NEDD4L: variants seen among roughly 807,000 people sequenced by gnomAD.
The protein encoded by NEDD4L is E3 ubiquitin-protein ligase NEDD4-like.
In NEDD4L, 54 loss-of-function variants were observed where a neutral mutation model predicts 148.9. That is an observed-to-expected ratio of 0.36 (90% CI 0.29 to 0.45). The LOEUF (loss-of-function observed/expected upper bound fraction) is 0.45, where lower values mean the gene tolerates loss of function less well. NEDD4L is among the 20% of genes least tolerant of loss of function. The probability of loss-of-function intolerance (pLI) is 1.00; values close to 1 mark genes in which losing one functional copy is unlikely to be tolerated. For synonymous variants in NEDD4L, 433 were observed against 440.7 expected, an observed-to-expected ratio of 0.98 and a Z score of 0.22; for missense variants, 856 against 1,233.8, an observed-to-expected ratio of 0.69 and a Z score of 4.59.
intron 22 of NEDD4L, 68 bp from the exon 23 acceptor site, chr18:58,370,329 T>C: frequency 1.0e-6 from 1 of 952,560 alleles, no homozygotes; most frequent in Non-Finnish European, 1.7e-6. Context: ...GTTAATCTTT[T>C]CTTTCATGCT....
intron 5 of NEDD4L, among the ~76,000 whole-genome samples, chr18:58,268,871 G>C: frequency 6.6e-6 from 1 of 151,890 alleles, no homozygotes; most frequent in Non-Finnish European, 1.5e-5. Context: ...GGGGAGGAGG[G>C]GAGCGTTCTA....
chr18:58,318,174 T>A (rs774714108), intron 6 of NEDD4L, among the ~76,000 whole-genome samples: 1 of 152,198 alleles, frequency 6.6e-6, no homozygotes, highest in Non-Finnish European at 1.5e-5. Flanking sequence ...TTATGGATGC[T>A]GTGTTCTTGA....
At chr18:58,302,253 A>G (rs1289225953) in intron 5 of NEDD4L, among the ~76,000 whole-genome samples, 2 of 152,204 alleles carry the variant, frequency 1.3e-5, no homozygotes, top group African/African-American at 4.8e-5. Flanking sequence ...GGAAAAAAAG[A>G]AGTCATTTCT....
chr18:58,293,611 T>A (rs1174759350), intron 5 of NEDD4L, among the ~76,000 whole-genome samples: 1 of 152,250 alleles, frequency 6.6e-6, no homozygotes, highest in East Asian at 1.9e-4. Context: ...TATTTAAAGT[T>A]TTAATTAACA....
chr18:58,349,398 C>T (rs2043577114), intron 16 of NEDD4L, 139 bp from the exon 17 acceptor site: 1 of 660,858 alleles, frequency 1.5e-6, no homozygotes, highest in South Asian at 1.8e-5. Context: ...CTGTACAAAA[C>T]AGAGATGGGA....
intron 1 of NEDD4L, among the ~76,000 whole-genome samples, chr18:58,067,491 T>G (rs533274918): frequency 6.6e-6 from 1 of 152,192 alleles, no homozygotes; most frequent in East Asian, 1.9e-4. Context: ...GGGGCTGGGT[T>G]GGGGTGGAGA....
At chr18:58,044,838 C>A in intron 1 of NEDD4L, 130 bp downstream of exon 1, 1 of 1,148,460 alleles carries the variant, frequency 8.7e-7, no homozygotes, top group South Asian at 1.9e-5. Context: ...AAAGCGGGAG[C>A]GCCCCGGAGC....
chr18:58,252,192 T>C, intron 5 of NEDD4L, 138 bp downstream of exon 5: 1 of 676,508 alleles, frequency 1.5e-6, no homozygotes. Context: ...TTTGTCCCAC[T>C]ACGAGTTTGA....
intron 2 of NEDD4L, chr18:58,227,742 G>C (rs1225593499): frequency 4.3e-6 from 1 of 230,926 alleles, no homozygotes; most frequent in Non-Finnish European, 7.1e-6. Flanking sequence ...CTGCAGTTAC[G>C]TGTTCTGCTG....
chr18:58,138,846 C>A (rs971062958), intron 1 of NEDD4L, among the ~76,000 whole-genome samples: 1 of 152,226 alleles, frequency 6.6e-6, no homozygotes, highest in Admixed American at 6.5e-5. Flanking sequence ...GCTCCACCTT[C>A]CAATACCGCC....
chr18:58,046,622 T>G (rs2081597733), intron 1 of NEDD4L: 1 of 152,114 alleles, frequency 6.6e-6, no homozygotes, highest in South Asian at 2.1e-4. Flanking sequence ...TCTTGCCACT[T>G]TTGTCCACAG....
intron 1 of NEDD4L, among the ~76,000 whole-genome samples, chr18:58,164,253 C>T (rs973571327): frequency 1.2e-4 from 18 of 152,106 alleles, no homozygotes; most frequent in African/African-American, 4.3e-4. Flanking sequence ...AAGCCTTTTG[C>T]TGCCATTAGT....
chr18:58,339,048 A>T (rs575555699), intron 13 of NEDD4L, among the ~76,000 whole-genome samples: 1 of 151,994 alleles, frequency 6.6e-6, no homozygotes, highest in South Asian at 2.1e-4. Flanking sequence ...CCAGAGATTG[A>T]GTAACTGCAA....
intron 1 of NEDD4L, among the ~76,000 whole-genome samples, chr18:58,083,524 A>G (rs2083576992): frequency 6.6e-6 from 1 of 152,096 alleles, no homozygotes; most frequent in Non-Finnish European, 1.5e-5. Flanking sequence ...TGTCTCTACT[A>G]AAAATACAAA....
chr18:58,297,626 G>A (rs529727), intron 5 of NEDD4L, among the ~76,000 whole-genome samples: 1 of 152,048 alleles, frequency 6.6e-6, no homozygotes, highest in Non-Finnish European at 1.5e-5. Context: ...AGATTTATTA[G>A]GTCCTGACCC....
At chr18:58,323,868 T>G (rs959950776) in intron 8 of NEDD4L, among the ~76,000 whole-genome samples, 7 of 152,218 alleles carry the variant, frequency 4.6e-5, no homozygotes, top group Admixed American at 2.6e-4. Context: ...TGTCACAGAC[T>G]GATGCTGTGG....
chr18:58,056,337 C>T (rs73959452), intron 1 of NEDD4L, among the ~76,000 whole-genome samples: 5,673 of 152,238 alleles, frequency 0.037, 251 homozygotes, highest in African/African-American at 0.11. Flanking sequence ...TGTCTCAATT[C>T]GTGTTTTATG....
chr18:58,090,643 A>G (rs760388644), intron 1 of NEDD4L: 1 of 152,068 alleles, frequency 6.6e-6, no homozygotes, highest in Non-Finnish European at 1.5e-5. Flanking sequence ...ACGCCTGGCT[A>G]ATTTTTGTAT....
chr18:58,114,336 G>A (rs1416472253), intron 1 of NEDD4L, among the ~76,000 whole-genome samples: 2 of 150,954 alleles, frequency 1.3e-5, no homozygotes, highest in Non-Finnish European at 2.9e-5. Flanking sequence ...TCCATTGGGA[G>A]ATTTAAAAAA....
Sources: allele counts gnomAD v4.1 joint callset (sites outside exome capture counted in the v4.1 genomes callset), GRCh38; gene constraint gnomAD v4.1.1; transcripts MANE v1.5; gene names NCBI Gene and HGNC (gene_info 2026-07-23, HGNC 2026-07-21).